ADAMTS6: variants seen among roughly 807,000 people sequenced by gnomAD.
The protein encoded by ADAMTS6 is A disintegrin and metalloproteinase with thrombospondin motifs 6.
Under a neutral mutation model 144.3 loss-of-function variants are expected in ADAMTS6, and 23 were observed. The observed-to-expected ratio is 0.16, with a 90% CI of 0.11 to 0.23. The LOEUF is 0.23. Among genes scored for constraint, ADAMTS6 ranks in the 10% least tolerant of loss-of-function variants. The probability of loss-of-function intolerance (pLI) is 1.00; values close to 1 mark genes in which losing one functional copy is unlikely to be tolerated. For missense variants in ADAMTS6, 999 were observed against 1,379.6 expected (o/e 0.72, Z 4.37); for synonymous variants, 444 against 457.5 (o/e 0.97, Z 0.38).
At chr5:65,369,538 T>TA (rs145260748) in intron 7 of ADAMTS6, among the ~76,000 whole-genome samples, 610 of 146,444 alleles carry the variant, frequency 4.2e-3, no homozygotes, top group African/African-American at 0.01. Flanking sequence ...TACGCTTCAT[T>TA]AAAAAAAAAA....
intron 12 of ADAMTS6, among the ~76,000 whole-genome samples, chr5:65,271,569 C>T (rs1762061575): frequency 6.6e-6 from 1 of 151,998 alleles, no homozygotes; most frequent in South Asian, 2.1e-4. Flanking sequence ...CATTTGATGG[C>T]CCTGCTTTAA....
At chr5:65,345,172 C>T (rs544760130) in intron 7 of ADAMTS6, among the ~76,000 whole-genome samples, 26 of 151,834 alleles carry the variant, frequency 1.7e-4, no homozygotes, top group African/African-American at 5.5e-4. Context: ...ATTATATCAG[C>T]TTAGGATTAC....
intron 22 of ADAMTS6, among the ~76,000 whole-genome samples, chr5:65,175,703 AG>A (rs1407636795): frequency 5.9e-5 from 9 of 151,832 alleles, no homozygotes; most frequent in Non-Finnish European, 1.2e-4. Flanking sequence ...AAGTATCCTA[AG>A]GAAAAAAAAA....
intron 9 of ADAMTS6, among the ~76,000 whole-genome samples, chr5:65,301,080 A>C (rs1286048219): frequency 6.6e-6 from 1 of 152,090 alleles, no homozygotes; most frequent in African/African-American, 2.4e-5. Context: ...TCATTTTTAA[A>C]ATATTTTGTT....
chr5:65,208,705 A>G (rs1756288796), intron 20 of ADAMTS6, among the ~76,000 whole-genome samples: 1 of 152,200 alleles, frequency 6.6e-6, no homozygotes. Context: ...GTACCAGAAA[A>G]TGTTTTAAAC....
intron 7 of ADAMTS6, among the ~76,000 whole-genome samples, chr5:65,384,127 A>G (rs944471175): frequency 6.6e-6 from 1 of 152,192 alleles, no homozygotes; most frequent in African/African-American, 2.4e-5. Flanking sequence ...CGTTGTCTTG[A>G]TGAATAGCAT....
intron 12 of ADAMTS6, among the ~76,000 whole-genome samples, chr5:65,269,327 A>G (rs1761878903): frequency 6.6e-6 from 1 of 152,184 alleles, no homozygotes; most frequent in South Asian, 2.1e-4. Flanking sequence ...TTATTTTACC[A>G]ATTGTCACAC....
chr5:65,273,484 G>T lies in ADAMTS6; in HGVS notation c.1513-37C>A, dbSNP rs766584443. On this transcript the variant is annotated intron_variant, in intron 11 of 24. Coordinates refer to ENST00000381055, the MANE Select transcript of ADAMTS6 (RefSeq NM_197941.4). ...GGCAAAAGCAAGTTGATCAGAAATA[G>T]AGTCATGTCCAATTCTTCCATAAAA... 2.6e-6 allele frequency: 4 copies of T among 1,517,102 alleles called. No homozygotes were observed. The Admixed American group carries it at 5.0e-5, about 19-fold the overall frequency. 94.0% of individuals were successfully genotyped at this position (1,517,102 alleles called of 1,614,324 possible).
At chr5:65,300,993 G>A (rs1047526965) in intron 9 of ADAMTS6, among the ~76,000 whole-genome samples, 3 of 152,058 alleles carry the variant, frequency 2.0e-5, no homozygotes, top group Non-Finnish European at 4.4e-5. Flanking sequence ...ATTTGTGGTC[G>A]TTTGTATGTG....
intron 12 of ADAMTS6, among the ~76,000 whole-genome samples, chr5:65,268,372 A>T (rs1259791871): frequency 6.6e-6 from 1 of 152,152 alleles, no homozygotes; most frequent in Non-Finnish European, 1.5e-5. Flanking sequence ...CAATGCCAAC[A>T]CTACTATCAA....
intron 15 of ADAMTS6, among the ~76,000 whole-genome samples, chr5:65,236,565 G>A (rs1429354014): frequency 6.6e-6 from 1 of 152,104 alleles, no homozygotes; most frequent in Non-Finnish European, 1.5e-5. Flanking sequence ...GAGATTACAG[G>A]CATGAGCCAC....
chr5:65,375,495 A>C (rs1467408350), intron 7 of ADAMTS6, among the ~76,000 whole-genome samples: 1 of 152,094 alleles, frequency 6.6e-6, no homozygotes, highest in Non-Finnish European at 1.5e-5. Flanking sequence ...ATGCAGCCAA[A>C]AAACACATGA....
intron 14 of ADAMTS6, chr5:65,251,882 G>C (rs1274727247): frequency 1.3e-5 from 2 of 152,156 alleles, no homozygotes; most frequent in African/African-American, 4.8e-5. Context: ...ATCGGGTTAA[G>C]AGGGATAGGA....
intron 7 of ADAMTS6, among the ~76,000 whole-genome samples, chr5:65,374,899 T>G (rs2150126114): frequency 6.6e-6 from 1 of 152,264 alleles, no homozygotes; most frequent in East Asian, 1.9e-4. Flanking sequence ...ATGGCACTGG[T>G]ACCAAAACAG....
chr5:65,305,207 G>C, intron 9 of ADAMTS6, among the ~76,000 whole-genome samples: 1 of 152,028 alleles, frequency 6.6e-6, no homozygotes, highest in East Asian at 1.9e-4. Context: ...TTTGAATCTG[G>C]GTAATGAACA....
chr5:65,370,478 A>T (rs887715085), intron 7 of ADAMTS6, among the ~76,000 whole-genome samples: 6 of 152,200 alleles, frequency 3.9e-5, no homozygotes, highest in African/African-American at 7.2e-5. Flanking sequence ...GCAAGGGGTC[A>T]GGGAGTTCCC....
chr5:65,222,724 T>C (rs775670365), intron 18 of ADAMTS6, among the ~76,000 whole-genome samples: 8 of 152,030 alleles, frequency 5.3e-5, no homozygotes, highest in Non-Finnish European at 1.0e-4. Context: ...ATATATTTTA[T>C]ATTTTGTAGA....
intron 3 of ADAMTS6, among the ~76,000 whole-genome samples, chr5:65,469,988 T>C (rs1004496976): frequency 6.6e-6 from 1 of 152,268 alleles, no homozygotes; most frequent in Non-Finnish European, 1.5e-5. Flanking sequence ...ATTATTACTA[T>C]GTGCAACTTT....
intron 7 of ADAMTS6, among the ~76,000 whole-genome samples, chr5:65,443,844 A>G (rs936083856): frequency 2.0e-5 from 3 of 151,926 alleles, no homozygotes; most frequent in African/African-American, 7.2e-5. Context: ...AAGCGCATCA[A>G]CAAAGAAACC....
Sources: gnomAD v4.1 joint callset for allele counts (sites outside exome capture counted in the v4.1 genomes callset) on GRCh38, gnomAD v4.1.1 for gene constraint, MANE v1.5 for transcripts, NCBI Gene and HGNC (gene_info 2026-07-23, HGNC 2026-07-21) for gene names.